RALGAPA1: variants seen among roughly 807,000 people sequenced by gnomAD.
RALGAPA1 encodes Ral GTPase activating protein catalytic subunit alpha 1.
In RALGAPA1, 52 loss-of-function variants were observed where a neutral mutation model predicts 269.6. The observed-to-expected ratio is 0.19, with a 90% CI of 0.15 to 0.24. The LOEUF (loss-of-function observed/expected upper bound fraction) is 0.24. Among genes scored for constraint, RALGAPA1 ranks in the 10% least tolerant of loss-of-function variants. RALGAPA1 has a pLI of 1.00. For missense variants in RALGAPA1, 1,917 were observed against 3,013.9 expected (o/e 0.64, Z 8.52); for synonymous variants, 817 against 1,008.3 (o/e 0.81, Z 3.60).
intron 33 of RALGAPA1, among the ~76,000 whole-genome samples, chr14:35,634,213 C>T (rs2061530412): frequency 6.6e-6 from 1 of 151,946 alleles, no homozygotes; most frequent in Admixed American, 6.6e-5. Flanking sequence ...GCATGATGCT[C>T]AAAGGAAATG....
At chr14:35,643,169 C>T (rs1457691132) in intron 31 of RALGAPA1, among the ~76,000 whole-genome samples, 1 of 151,594 alleles carries the variant, frequency 6.6e-6, no homozygotes, top group African/African-American at 2.4e-5. Flanking sequence ...ACATCACACA[C>T]CAGGGCCTTT....
intron 1 of RALGAPA1, among the ~76,000 whole-genome samples, chr14:35,788,976 C>T (rs2075979796): frequency 6.6e-6 from 1 of 152,050 alleles, no homozygotes; most frequent in African/African-American, 2.4e-5. Flanking sequence ...TGATTATATG[C>T]CAGGCGCCAT....
At chr14:35,605,771 A>G (rs1229983690) in intron 35 of RALGAPA1, 62 bp from the exon 36 acceptor site, 3 of 1,564,540 alleles carry the variant, frequency 1.9e-6, no homozygotes, top group Non-Finnish European at 2.6e-6. Context: ...TTCATCCAAC[A>G]ATTAAGTTCT....
At chr14:35,622,412 T>C (rs1175438838) in intron 35 of RALGAPA1, among the ~76,000 whole-genome samples, 1 of 152,202 alleles carries the variant, frequency 6.6e-6, no homozygotes, top group African/African-American at 2.4e-5. Flanking sequence ...ATACCTAATG[T>C]AAATGATGAG....
chr14:35,558,155 ATGAG>A (rs1352413780), intron 39 of RALGAPA1, among the ~76,000 whole-genome samples: 1 of 152,200 alleles, frequency 6.6e-6, no homozygotes, highest in East Asian at 1.9e-4. Flanking sequence ...AGGGAATTCA[ATGAG>A]TGAGATAATC....
At chr14:35,608,707 C>G (rs773584754) in intron 35 of RALGAPA1, among the ~76,000 whole-genome samples, 2 of 152,128 alleles carry the variant, frequency 1.3e-5, no homozygotes, top group African/African-American at 2.4e-5. Flanking sequence ...AAAACAAAGA[C>G]AGAGCTGAAG....
intron 37 of RALGAPA1, among the ~76,000 whole-genome samples, chr14:35,580,133 T>C (rs1424961273): frequency 6.6e-6 from 1 of 152,176 alleles, no homozygotes; most frequent in East Asian, 1.9e-4. Flanking sequence ...GAAATGGACT[T>C]AAATAAAGTG....
chr14:35,652,889 T>G (rs2062936614), intron 30 of RALGAPA1, among the ~76,000 whole-genome samples: 1 of 152,226 alleles, frequency 6.6e-6, no homozygotes, highest in South Asian at 2.1e-4. Context: ...ATGTTAAAAA[T>G]GTATAGGTAT....
intron 39 of RALGAPA1, among the ~76,000 whole-genome samples, chr14:35,556,240 G>A (rs1160867064): frequency 3.3e-5 from 5 of 152,116 alleles, no homozygotes; most frequent in African/African-American, 4.8e-5. Flanking sequence ...GGTTATTATC[G>A]GTAGTAAAGT....
chr14:35,733,159 A>G (rs2070662156), intron 12 of RALGAPA1, among the ~76,000 whole-genome samples: 1 of 152,328 alleles, frequency 6.6e-6, no homozygotes, highest in East Asian at 1.9e-4. Context: ...GCATTGAGTC[A>G]AAAACAAAAT....
At chr14:35,564,894 T>G (rs1360837685) in intron 39 of RALGAPA1, among the ~76,000 whole-genome samples, 3 of 152,176 alleles carry the variant, frequency 2.0e-5, no homozygotes, top group African/African-American at 7.2e-5. Context: ...TACTCCAAAG[T>G]AATTTCTTCA....
At chr14:35,776,523 CAGTA>C (rs2075039580) in intron 1 of RALGAPA1, among the ~76,000 whole-genome samples, 1 of 152,020 alleles carries the variant, frequency 6.6e-6, no homozygotes, top group Admixed American at 6.6e-5. Context: ...AAGAAACTGT[CAGTA>C]AGAGCAGGGC....
intron 37 of RALGAPA1, among the ~76,000 whole-genome samples, chr14:35,592,772 C>T (rs969192777): frequency 1.3e-5 from 2 of 152,204 alleles, no homozygotes; most frequent in East Asian, 1.9e-4. Flanking sequence ...TCTCAATTGA[C>T]GTAGAAAAAG....
At chr14:35,772,761 G>C (rs1184745947) in intron 3 of RALGAPA1, among the ~76,000 whole-genome samples, 7 of 152,136 alleles carry the variant, frequency 4.6e-5, no homozygotes, top group Admixed American at 4.6e-4. Flanking sequence ...AGTGCACTTA[G>C]GTTACAAAGC....
intron 16 of RALGAPA1, among the ~76,000 whole-genome samples, chr14:35,704,705 C>A (rs1256619976): frequency 1.3e-5 from 2 of 152,032 alleles, no homozygotes; most frequent in Non-Finnish European, 2.9e-5. Flanking sequence ...ATAAAGAAAG[C>A]TGTTTAAGTT....
At chr14:35,672,136 T>TTTA (rs1324163954) in intron 25 of RALGAPA1, among the ~76,000 whole-genome samples, 1 of 152,160 alleles carries the variant, frequency 6.6e-6, no homozygotes, top group African/African-American at 2.4e-5. Flanking sequence ...AGAGAGTCAT[T>TTTA]TTACTTGAGA....
chr14:35,582,996 C>G (rs963839652), intron 37 of RALGAPA1, among the ~76,000 whole-genome samples: 2 of 152,096 alleles, frequency 1.3e-5, no homozygotes, highest in African/African-American at 2.4e-5. Flanking sequence ...ACCACCATAC[C>G]ACTAAAGGCC....
At chr14:35,581,704 T>C (rs2057961685) in intron 37 of RALGAPA1, among the ~76,000 whole-genome samples, 1 of 152,138 alleles carries the variant, frequency 6.6e-6, no homozygotes, top group African/African-American at 2.4e-5. Flanking sequence ...CTACTATGGC[T>C]ATAATTATTT....
At position 35,728,467 on chromosome 14, in the gene RALGAPA1, G is replaced by T. The variant is rs904809253; in HGVS notation, c.1631C>A (p.Ala544Glu). The change falls in exon 13 of 42, where the codon GCA becomes GAA. Residue 544 changes from alanine to glutamate, a missense_variant. By Grantham distance (107) the Ala-to-Glu change is moderately radical. Around this residue, in one of 11 missense-constraint regions of RALGAPA1, gnomAD observed 462 missense variants for 725.6 expected, o/e 0.64. Coordinates refer to ENST00000680220, the MANE Select transcript of RALGAPA1 (RefSeq NM_001346249.2). ...ATCCAGAAGATTTTTTATTTCATTT[G>T]CAGGTTCAAGAAGAAATATATTTGA... ...NSSNIFLLEP[A>E]NEIKNLLDEH... 4.4e-6 allele frequency: 7 copies of T among 1,607,226 alleles called. No homozygotes were observed. Among genetic ancestry groups the T allele is most frequent in the Non-Finnish European group, 5.1e-6 (6 of 1,177,486 alleles).
Sources: allele counts gnomAD v4.1 joint callset (sites outside exome capture counted in the v4.1 genomes callset), GRCh38; gene constraint gnomAD v4.1.1; regional missense constraint gnomAD v4.1.1; transcripts MANE v1.5; gene names NCBI Gene and HGNC (gene_info 2026-07-23, HGNC 2026-07-21).